The following NRG3 variants were observed in gnomAD, a reference collection of about 807,000 sequenced individuals.
The protein encoded by NRG3 is pro-neuregulin-3, membrane-bound isoform.
NRG3 carries 31 observed loss-of-function variants against 66.9 expected under a neutral mutation model. The observed-to-expected ratio is 0.46, with a 90% CI of 0.35 to 0.63. The LOEUF is 0.63. Among genes scored for constraint, NRG3 ranks in the 20% least tolerant of loss-of-function variants. The probability of loss-of-function intolerance (pLI) is 0.00; values close to 1 mark genes in which losing one functional copy is unlikely to be tolerated. For missense variants in NRG3, 910 were observed against 878.9 expected, an observed-to-expected ratio of 1.04 and a Z score of -0.45; for synonymous variants, 393 against 359.4, an observed-to-expected ratio of 1.09 and a Z score of -1.06.
At chr10:81,923,451 C>T (rs981507470) in intron 1 of NRG3, among the ~76,000 whole-genome samples, 1 of 151,844 alleles carries the variant, frequency 6.6e-6, no homozygotes, top group Non-Finnish European at 1.5e-5. Context: ...GTGATCCGCC[C>T]GCCTCGGCCT....
At chr10:82,083,272 T>C (rs1194419519) in intron 1 of NRG3, among the ~76,000 whole-genome samples, 2 of 151,838 alleles carry the variant, frequency 1.3e-5, no homozygotes, top group Non-Finnish European at 2.9e-5. Flanking sequence ...ATGATATAAA[T>C]ATATTTATAT....
intron 1 of NRG3, among the ~76,000 whole-genome samples, chr10:82,000,524 A>G (rs925490012): frequency 2.6e-5 from 4 of 152,152 alleles, no homozygotes; most frequent in Admixed American, 2.0e-4. Flanking sequence ...CTTAGCTCCT[A>G]TCTTTCCATC....
At chr10:82,160,498 T>TTTTTG (rs961239763) in intron 1 of NRG3, among the ~76,000 whole-genome samples, 14 of 151,848 alleles carry the variant, frequency 9.2e-5, no homozygotes, top group South Asian at 2.1e-4. Context: ...AATTTCTTTT[T>TTTTTG]TTTTGTTTTG....
chr10:82,008,569 A>G (rs1034086047), intron 1 of NRG3, among the ~76,000 whole-genome samples: 4 of 152,150 alleles, frequency 2.6e-5, no homozygotes, highest in African/African-American at 7.2e-5. Flanking sequence ...GGGGAGGGCA[A>G]TGGATGTTGG....
At position 81,923,279 on chromosome 10, in the gene NRG3, C is replaced by T. The variant is rs1385815181; in HGVS notation, c.823+47116C>T. Among the ~76,000 whole-genome samples the T allele has an allele frequency of 2.0e-4, 31 of 151,842 alleles. 1 individual carries two copies. The Admixed American group carries it at 2.0e-3, about 10-fold the overall frequency. On this transcript the variant is annotated intron_variant, in intron 1 of 8. Transcript: ENST00000372141. ...GGAATGCGGTGGCGCGATCTCGGCT[C>T]ACTGCAAGCTCCGCCTCCCGGGTTC... is the stretch of plus-strand genomic sequence containing the variant.
At chr10:81,941,026 C>G (rs989079377) in intron 1 of NRG3, among the ~76,000 whole-genome samples, 1 of 151,902 alleles carries the variant, frequency 6.6e-6, no homozygotes, top group Non-Finnish European at 1.5e-5. Context: ...CTAAGAAGCA[C>G]AGTAAAAATA....
At chr10:81,986,996 CA>C (rs2060546773) in intron 1 of NRG3, among the ~76,000 whole-genome samples, 1 of 152,064 alleles carries the variant, frequency 6.6e-6, no homozygotes, top group Admixed American at 6.6e-5. Flanking sequence ...TGCATAGTTA[CA>C]GCATCATTGT....
At chr10:82,581,427 AGTTTTAAATTTTAATT>A (rs1379413388) in intron 2 of NRG3, among the ~76,000 whole-genome samples, 3 of 152,176 alleles carry the variant, frequency 2.0e-5, no homozygotes, top group East Asian at 3.9e-4. Context: ...ACAGAGCAGA[AGTTTTAAATTTTAATT>A]GATTTAAACT....
At chr10:81,995,650 G>A (rs1241117706) in intron 1 of NRG3, among the ~76,000 whole-genome samples, 1 of 152,202 alleles carries the variant, frequency 6.6e-6, no homozygotes, top group Non-Finnish European at 1.5e-5. Context: ...GTTTAAGGAT[G>A]CTGTTGAATA....
intron 1 of NRG3, among the ~76,000 whole-genome samples, chr10:82,292,525 C>T (rs924882620): frequency 6.6e-6 from 1 of 152,150 alleles, no homozygotes. Context: ...CACATAGAAA[C>T]CTCTACTTAA....
chr10:82,370,742 C>T lies in NRG3; in HGVS notation c.953+11874C>T, dbSNP rs145414630. Among the ~76,000 whole-genome samples the T allele has an allele frequency of 5.2e-3, 796 of 152,188 alleles. 3 individuals carry two copies. Among genetic ancestry groups the T allele is most frequent in the African/African-American group, 0.018 (749 of 41,526 alleles). ...TTTTATTTCGTTACCTATGTACCTACGTATTACTTGAGAAAACTAAAAAAT... is the reference window on the plus strand; with the variant it reads ...TTTTATTTCGTTACCTATGTACCTATGTATTACTTGAGAAAACTAAAAAAT... On this transcript the variant is annotated intron_variant, in intron 2 of 8. Transcript: ENST00000372141.
chr10:81,937,046 G>A (rs890398179), intron 1 of NRG3, among the ~76,000 whole-genome samples: 1 of 152,038 alleles, frequency 6.6e-6, no homozygotes, highest in East Asian at 1.9e-4. Flanking sequence ...TTCTGTGGCT[G>A]GCTTATTTCG....
chr10:82,248,194 TTCTAA>T (rs1376354493), intron 1 of NRG3, among the ~76,000 whole-genome samples: 1 of 152,184 alleles, frequency 6.6e-6, no homozygotes, highest in Non-Finnish European at 1.5e-5. Context: ...TCTTTCAAAA[TTCTAA>T]TCTGCTTTGA....
At chr10:82,268,183 T>C (rs1312101254) in intron 1 of NRG3, among the ~76,000 whole-genome samples, 2 of 152,186 alleles carry the variant, frequency 1.3e-5, no homozygotes, top group African/African-American at 2.4e-5. Context: ...TCATTGAATC[T>C]CTGTAGTAGT....
intron 2 of NRG3, among the ~76,000 whole-genome samples, chr10:82,362,817 T>G (rs2084273506): frequency 1.3e-5 from 2 of 152,114 alleles, no homozygotes; most frequent in African/African-American, 4.8e-5. Context: ...GATTGTTCAA[T>G]AAATGATTGA....
chr10:82,757,749 C>T (rs7902908), intron 3 of NRG3, among the ~76,000 whole-genome samples: 6,700 of 151,838 alleles, frequency 0.044, 482 homozygotes, highest in African/African-American at 0.15. Flanking sequence ...AATTGAGAAA[C>T]GAAAGTCTGC....
chr10:82,666,380 A>G lies in NRG3; in HGVS notation c.954-72197A>G, dbSNP rs1434339821. On this transcript the variant is annotated intron_variant, in intron 2 of 8. Transcript: ENST00000372141. ...ATGGAAAATTAAATTCAACTTGTCC[A>G]CAATTAAAATGTCAATTATCCCATT... Among the ~76,000 whole-genome samples the G allele has an allele frequency of 2.0e-5, 3 of 152,214 alleles. No individual in the cohort carries two copies. The East Asian group carries it at 5.8e-4, about 29-fold the overall frequency.
intron 1 of NRG3, among the ~76,000 whole-genome samples, chr10:81,900,458 G>A (rs1337744095): frequency 1.3e-5 from 2 of 152,160 alleles, no homozygotes; most frequent in African/African-American, 2.4e-5. Context: ...AAACAAATAC[G>A]TTGTGAATTA....
chr10:82,458,243 G>A (rs1459616013), intron 2 of NRG3, among the ~76,000 whole-genome samples: 5 of 152,220 alleles, frequency 3.3e-5, no homozygotes. Flanking sequence ...GAAAATGGGT[G>A]AACCAGGGTA....
Sources: allele counts gnomAD v4.1 joint callset (sites outside exome capture counted in the v4.1 genomes callset), GRCh38; gene constraint gnomAD v4.1.1; transcripts MANE v1.5; gene names NCBI Gene and HGNC (gene_info 2026-07-23, HGNC 2026-07-21).